AGMO: variants seen among roughly 807,000 people sequenced by gnomAD.
The protein encoded by AGMO is alkylglycerol monooxygenase, also known as glyceryl-ether monooxygenase.
Under a neutral mutation model 60.2 loss-of-function variants are expected in AGMO, and 75 were observed. The observed-to-expected ratio is 1.25, with a 90% CI of 1.03 to 1.51. AGMO has a LOEUF of 1.51. AGMO is among the 40% of genes most tolerant of loss of function. The pLI is 0.00. For missense variants in AGMO, 763 were observed against 525.5 expected, an observed-to-expected ratio of 1.45 and a Z score of -4.42; for synonymous variants, 261 against 177.1, an observed-to-expected ratio of 1.47 and a Z score of -3.76.
At chr7:15,221,986 G>GTTTA (rs1270887286) in intron 12 of AGMO, among the ~76,000 whole-genome samples, 1 of 152,052 alleles carries the variant, frequency 6.6e-6, no homozygotes, top group Non-Finnish European at 1.5e-5. Context: ...CATATAGAGT[G>GTTTA]TTTACATAAT....
chr7:15,150,706 C>T, the AGMO span, among the ~76,000 whole-genome samples: 2 of 151,996 alleles, frequency 1.3e-5, no homozygotes, highest in African/African-American at 2.4e-5. Context: ...TGATTGGCTA[C>T]TATTTTATTG....
chr7:15,124,382 CA>C, the AGMO span, among the ~76,000 whole-genome samples: 1 of 151,870 alleles, frequency 6.6e-6, no homozygotes, highest in South Asian at 2.1e-4. Flanking sequence ...TTTGGATTGC[CA>C]GTTATCACGG....
chr7:15,200,022 G>A (rs1323572058), downstream of AGMO, among the ~76,000 whole-genome samples: 2 of 151,978 alleles, frequency 1.3e-5, no homozygotes, highest in Non-Finnish European at 2.9e-5. Flanking sequence ...GCTAATATGA[G>A]ATTATCTAAG....
intron 12 of AGMO, among the ~76,000 whole-genome samples, chr7:15,303,042 G>T (rs1472992348): frequency 1.3e-5 from 2 of 152,060 alleles, no homozygotes; most frequent in Non-Finnish European, 2.9e-5. Context: ...TGAAAACCCA[G>T]GAGGAACAAT....
chr7:15,366,202 G>C lies in AGMO; in HGVS notation c.1095C>G (p.Leu365=). 6.2e-7 allele frequency: 1 copy of C among 1,607,274 alleles called. No individual in the cohort carries two copies. The highest frequency in any genetic ancestry group is 1.1e-5 in the South Asian group (1 of 90,016). ...GGATAATGAAGCAAACCCTCAGAAG[G>C]AGAGTAACTTGCGACAGTGCCTGTC... The part of the protein sequence containing the change: ...ADTAALSQVT[L]LLRVCFIILT... The change falls in exon 11 of 13, where the codon CTC becomes CTG. Residue 365 remains leucine, a synonymous_variant. Transcript: ENST00000342526.
At chr7:15,231,872 A>G (rs1248415834) in intron 12 of AGMO, among the ~76,000 whole-genome samples, 1 of 152,226 alleles carries the variant, frequency 6.6e-6, no homozygotes, top group Admixed American at 6.5e-5. Flanking sequence ...TGGTCAAAGT[A>G]ACACAAATCT....
intron 12 of AGMO, among the ~76,000 whole-genome samples, chr7:15,359,023 T>G (rs1782649478): frequency 6.6e-6 from 1 of 152,076 alleles, no homozygotes; most frequent in Non-Finnish European, 1.5e-5. Flanking sequence ...TTTTATAAAT[T>G]AATTAGATTT....
the AGMO span, among the ~76,000 whole-genome samples, chr7:15,170,970 G>A: frequency 1.3e-5 from 2 of 151,868 alleles, no homozygotes; most frequent in African/African-American, 4.8e-5. Flanking sequence ...TGTGGTTTTT[G>A]TTGTTGTTTT....
At chr7:15,462,315 G>GAGAC (rs1782163444) in intron 3 of AGMO, among the ~76,000 whole-genome samples, 1 of 152,116 alleles carries the variant, frequency 6.6e-6, no homozygotes, top group South Asian at 2.1e-4. Flanking sequence ...ACTTGCTGCA[G>GAGAC]AGACAGATTC....
chr7:15,482,130 G>A (rs1782770878), intron 3 of AGMO, among the ~76,000 whole-genome samples: 1 of 150,852 alleles, frequency 6.6e-6, no homozygotes, highest in African/African-American at 2.4e-5. Flanking sequence ...AAAAGAAAAT[G>A]AAACAGAAAA....
intron 2 of AGMO, among the ~76,000 whole-genome samples, chr7:15,555,674 T>C (rs1034826420): frequency 1.3e-5 from 2 of 151,978 alleles, no homozygotes; most frequent in Non-Finnish European, 2.9e-5. Flanking sequence ...AAGAAATGAA[T>C]TTGATACATT....
intron 3 of AGMO, among the ~76,000 whole-genome samples, chr7:15,531,514 T>C (rs1408204800): frequency 3.4e-5 from 2 of 59,678 alleles, no homozygotes; most frequent in Non-Finnish European, 6.1e-5. Context: ...ATATATTCTC[T>C]ATATATATTC....
chr7:15,430,649 G>A (rs1165166080), intron 4 of AGMO, among the ~76,000 whole-genome samples: 1 of 144,072 alleles, frequency 6.9e-6, no homozygotes, highest in Non-Finnish European at 1.5e-5. Flanking sequence ...AAAAAAAACT[G>A]GTAAAAGTTT....
the AGMO span, among the ~76,000 whole-genome samples, chr7:15,134,877 A>G: frequency 6.6e-6 from 1 of 152,148 alleles, no homozygotes; most frequent in Admixed American, 6.5e-5. Context: ...TAACTAGGGA[A>G]TTAAATCTAA....
At chr7:15,121,563 T>C in the AGMO span, among the ~76,000 whole-genome samples, 1 of 152,196 alleles carries the variant, frequency 6.6e-6, no homozygotes, top group Non-Finnish European at 1.5e-5. Flanking sequence ...TGCATTTCTC[T>C]AATAACCAGT....
At chr7:15,479,721 C>A (rs1258680845) in intron 3 of AGMO, among the ~76,000 whole-genome samples, 1 of 152,084 alleles carries the variant, frequency 6.6e-6, no homozygotes, top group Admixed American at 6.6e-5. Flanking sequence ...CTGCCTTGTG[C>A]CAGGGTTGTG....
chr7:15,450,762 C>T (rs1282353624), intron 3 of AGMO, among the ~76,000 whole-genome samples: 1 of 152,136 alleles, frequency 6.6e-6, no homozygotes, highest in East Asian at 1.9e-4. Flanking sequence ...ATGTAACTTC[C>T]TTTGGTTTTA....
chr7:15,175,059 G>C, the AGMO span, among the ~76,000 whole-genome samples: 1 of 151,604 alleles, frequency 6.6e-6, no homozygotes, highest in Non-Finnish European at 1.5e-5. Flanking sequence ...AACAACTACT[G>C]AATTTAAAAA....
chr7:15,446,526 C>A (rs1170917758), intron 3 of AGMO, among the ~76,000 whole-genome samples: 3 of 152,134 alleles, frequency 2.0e-5, no homozygotes, highest in African/African-American at 7.2e-5. Context: ...TCTGTAAGGC[C>A]AGCTGATATG....
Sources: allele counts gnomAD v4.1 joint callset (sites outside exome capture counted in the v4.1 genomes callset), GRCh38; gene constraint gnomAD v4.1.1; transcripts MANE v1.5; gene names NCBI Gene and HGNC (gene_info 2026-07-23, HGNC 2026-07-21).